Variants in ADAMTSL1 observed in about 807,000 individuals in gnomAD.
ADAMTSL1 encodes the protein ADAMTS like 1.
ADAMTSL1 carries 126 observed loss-of-function variants against 201.8 expected under a neutral mutation model. The ratio of observed to expected loss-of-function variants is 0.62; its 90% CI spans 0.54 to 0.72. The LOEUF (loss-of-function observed/expected upper bound fraction) is 0.72. Among genes scored for constraint, ADAMTSL1 ranks in the 30% least tolerant of loss-of-function variants. The probability of loss-of-function intolerance (pLI) is 0.00; values close to 1 mark genes in which losing one functional copy is unlikely to be tolerated. For missense variants in ADAMTSL1, 2,679 were observed against 2,277.8 expected (o/e 1.18, Z -3.59); for synonymous variants, 1,121 against 903.4 (o/e 1.24, Z -4.32).
intron 1 of ADAMTSL1, among the ~76,000 whole-genome samples, chr9:18,084,107 T>G (rs1015452642): frequency 5.3e-5 from 8 of 152,196 alleles, no homozygotes; most frequent in African/African-American, 1.9e-4. Context: ...CCAAACAAAT[T>G]CTTTGCCATG....
At chr9:18,870,595 C>A (rs1484987395) in intron 23 of ADAMTSL1, among the ~76,000 whole-genome samples, 1 of 152,032 alleles carries the variant, frequency 6.6e-6, no homozygotes, top group Admixed American at 6.6e-5. Flanking sequence ...TCTTAACAGC[C>A]CCCAGACTCT....
intron 2 of ADAMTSL1, among the ~76,000 whole-genome samples, chr9:18,166,540 T>C (rs1827641113): frequency 6.6e-6 from 1 of 151,946 alleles, no homozygotes; most frequent in African/African-American, 2.4e-5. Flanking sequence ...CAAGCCAGTA[T>C]ATAGGTTTAT....
At chr9:18,757,807 A>G (rs1161852143) in intron 16 of ADAMTSL1, among the ~76,000 whole-genome samples, 1 of 152,178 alleles carries the variant, frequency 6.6e-6, no homozygotes, top group Admixed American at 6.5e-5. Flanking sequence ...CTCAGACCCC[A>G]TAACTCCCAG....
chr9:18,570,710 A>G (rs540007234), intron 3 of ADAMTSL1, among the ~76,000 whole-genome samples: 1 of 152,346 alleles, frequency 6.6e-6, no homozygotes, highest in Non-Finnish European at 1.5e-5. Context: ...TCAAACACTA[A>G]AAAGGTTCAA....
At chr9:18,814,586 A>G (rs1823715284) in intron 20 of ADAMTSL1, among the ~76,000 whole-genome samples, 1 of 152,230 alleles carries the variant, frequency 6.6e-6, no homozygotes, top group Non-Finnish European at 1.5e-5. Context: ...CTTTGTAGGA[A>G]CATGGATGGA....
intron 2 of ADAMTSL1, among the ~76,000 whole-genome samples, chr9:18,234,960 C>A (rs940141522): frequency 6.6e-6 from 1 of 152,134 alleles, no homozygotes; most frequent in Non-Finnish European, 1.5e-5. Flanking sequence ...TTTCCATATA[C>A]CTCACACTGA....
At chr9:18,272,950 G>T (rs746365804) in intron 2 of ADAMTSL1, among the ~76,000 whole-genome samples, 7 of 152,178 alleles carry the variant, frequency 4.6e-5, no homozygotes, top group Non-Finnish European at 7.3e-5. Context: ...ATGGGTAAGT[G>T]CATTATTTCT....
At chr9:18,654,821 C>T (rs907398137) in intron 7 of ADAMTSL1, among the ~76,000 whole-genome samples, 1 of 152,234 alleles carries the variant, frequency 6.6e-6, no homozygotes. Context: ...AGCAGGCATA[C>T]TGATGTATGT....
At chr9:17,926,065 G>T (rs1209001833) in intron 1 of ADAMTSL1, among the ~76,000 whole-genome samples, 1 of 152,088 alleles carries the variant, frequency 6.6e-6, no homozygotes, top group Non-Finnish European at 1.5e-5. Context: ...AATACCTGCA[G>T]ATACGCTCCA....
chr9:18,061,180 C>A (rs1307669563), intron 1 of ADAMTSL1, among the ~76,000 whole-genome samples: 3 of 152,174 alleles, frequency 2.0e-5, no homozygotes, highest in African/African-American at 4.8e-5. Context: ...TTGATCAAAT[C>A]TAAACAGTTA....
intron 2 of ADAMTSL1, among the ~76,000 whole-genome samples, chr9:18,184,992 C>T (rs1372766674): frequency 6.6e-6 from 1 of 152,172 alleles, no homozygotes; most frequent in East Asian, 1.9e-4. Context: ...AATCTCCCTT[C>T]TCTGAAATGA....
At chr9:18,859,585 T>G (rs746881272) in intron 23 of ADAMTSL1, among the ~76,000 whole-genome samples, 1 of 152,220 alleles carries the variant, frequency 6.6e-6, no homozygotes, top group Non-Finnish European at 1.5e-5. Context: ...CATGCATTGT[T>G]GCCCAAAACG....
At position 18,576,923 on chromosome 9, in the gene ADAMTSL1, C is replaced by T. The variant is rs545649739; in HGVS notation, c.474+2657C>T. 4.1e-4 allele frequency among the ~76,000 whole-genome samples: 63 copies of T among 151,992 alleles called. No homozygotes were observed. The Middle Eastern group carries it at 0.014, about 33-fold the overall frequency. ...AGGCTCAGGTCGATTTTATATCTTG[C>T]CCAGAGACTCCCAGCTCTGTCTGAG... is the stretch of plus-strand genomic sequence containing the variant. On this transcript the variant is annotated intron_variant, in intron 4 of 28. Transcript: ENST00000380548.
chr9:18,383,641 T>C (rs925202805), intron 2 of ADAMTSL1, among the ~76,000 whole-genome samples: 4 of 152,192 alleles, frequency 2.6e-5, no homozygotes, highest in African/African-American at 9.6e-5. Context: ...GACTGTCCCC[T>C]TGGACTAAGG....
At chr9:17,983,418 T>C (rs992412792) in intron 1 of ADAMTSL1, among the ~76,000 whole-genome samples, 2 of 152,164 alleles carry the variant, frequency 1.3e-5, no homozygotes, top group East Asian at 1.9e-4. Flanking sequence ...GTGGCCAAGA[T>C]TGAGAACCTC....
At chr9:18,728,928 A>G (rs940574871) in intron 15 of ADAMTSL1, among the ~76,000 whole-genome samples, 1 of 152,220 alleles carries the variant, frequency 6.6e-6, no homozygotes. Flanking sequence ...GAGAAAGATG[A>G]GTCTGGCTGC....
At chr9:18,367,475 C>T (rs1245718847) in intron 2 of ADAMTSL1, among the ~76,000 whole-genome samples, 1 of 151,560 alleles carries the variant, frequency 6.6e-6, no homozygotes, top group Non-Finnish European at 1.5e-5. Flanking sequence ...TTGCCATTTG[C>T]TAGCTGTGAA....
intron 1 of ADAMTSL1, among the ~76,000 whole-genome samples, chr9:18,015,026 G>A (rs1196367273): frequency 2.0e-5 from 3 of 152,074 alleles, no homozygotes; most frequent in African/African-American, 7.2e-5. Context: ...CATAGCAGAA[G>A]TAGCATTAAT....
At chr9:18,860,754 T>A (rs1827164180) in intron 23 of ADAMTSL1, among the ~76,000 whole-genome samples, 1 of 152,160 alleles carries the variant, frequency 6.6e-6, no homozygotes, top group Non-Finnish European at 1.5e-5. Context: ...CTCTATATTC[T>A]AGGGTTTCTC....
Sources: gnomAD v4.1 joint callset for allele counts (sites outside exome capture counted in the v4.1 genomes callset) on GRCh38, gnomAD v4.1.1 for gene constraint, MANE v1.5 for transcripts, NCBI Gene and HGNC (gene_info 2026-07-23, HGNC 2026-07-21) for gene names.